Variants in MAN2A1 observed in about 807,000 individuals in gnomAD.
MAN2A1 encodes mannosidase alpha class 2A member 1.
In MAN2A1, 76 loss-of-function variants were observed where a neutral mutation model predicts 142.6. The ratio of observed to expected loss-of-function variants is 0.53; its 90% CI spans 0.44 to 0.65. MAN2A1 has a LOEUF of 0.65. MAN2A1 is among the 30% of genes least tolerant of loss of function. The pLI is 0.00. For missense variants in MAN2A1, 1,311 were observed against 1,365.1 expected (o/e 0.96, Z 0.62); for synonymous variants, 559 against 473.2 (o/e 1.18, Z -2.35).
At position 109,746,539 on chromosome 5, in the gene MAN2A1, A is replaced by G. The variant is rs192359649; in HGVS notation, c.708-8790A>G. Among the ~76,000 whole-genome samples, 380 of 149,348 alleles carry G rather than the reference A, an allele frequency of 2.5e-3. 1 individual carries two copies. Among genetic ancestry groups the G allele is most frequent in the Non-Finnish European group, 3.4e-3 (230 of 67,620 alleles). On this transcript the variant is annotated intron_variant, in intron 4 of 21. Transcript: ENST00000261483. ...ACATAAAGGCATAGGCATATATATT[A>G]TACAATGATAGCATGCCATGCACAT...
At chr5:109,776,016 A>G (rs1242007333) in intron 8 of MAN2A1, among the ~76,000 whole-genome samples, 4 of 151,660 alleles carry the variant, frequency 2.6e-5, no homozygotes, top group South Asian at 2.1e-4. Flanking sequence ...TAGGATATCT[A>G]CCACTTCAAA....
At position 109,817,431 on chromosome 5, in the gene MAN2A1, C is replaced by T. The variant is rs1561526858; in HGVS notation, c.2102C>T (p.Ala701Val). ...ACAGCAAATACTATTTCAGAAACAG[C>T]CTATGAGGTATGTTGTAGCCATAGA... ...WDTANTISET[A>V]YEISFRAHIP... Residue 701 changes from alanine to valine, a missense_variant, in exon 13 of 22, where the codon GCC becomes GTC. By Grantham distance (64) the Ala-to-Val change is moderately conservative. Around this residue, in one of 3 missense-constraint regions of MAN2A1, gnomAD observed 890 missense variants for 920.5 expected, o/e 0.97. Coordinates refer to ENST00000261483, the MANE Select transcript of MAN2A1 (RefSeq NM_002372.4). 2 of 1,613,710 alleles carry T rather than the reference C, an allele frequency of 1.2e-6. No homozygotes were observed. The highest frequency in any genetic ancestry group is 1.7e-6 in the Non-Finnish European group (2 of 1,179,806).
intron 20 of MAN2A1, among the ~76,000 whole-genome samples, chr5:109,856,466 T>C (rs995091144): frequency 6.6e-6 from 1 of 152,172 alleles, no homozygotes; most frequent in Admixed American, 6.5e-5. Flanking sequence ...TGAAGTCTGC[T>C]CCTAGATGCT....
In MAN2A1 at chr5:109,690,433, C is replaced by T. The variant is rs749943726; in HGVS notation, c.16C>T (p.Gln6Ter). ...ATCGAGGAAAATGAAGTTAAGCCGC[C>T]AGTTCACCGTGTTCGGCAGTGCGAT... MKLSR[Q>*]FTVFGSAIFC... Residue 6 changes from glutamine to a stop codon, truncating the protein, a stop_gained, in exon 1 of 22, where the codon CAG (glutamine) becomes TAG (stop). Coordinates refer to ENST00000261483, the MANE Select transcript of MAN2A1 (RefSeq NM_002372.4). LOFTEE classifies it high-confidence loss of function. 1 of 1,614,078 alleles carries T rather than the reference C, an allele frequency of 6.2e-7. No homozygotes were observed.
At chr5:109,738,401 T>A (rs962152585) in intron 4 of MAN2A1, among the ~76,000 whole-genome samples, 4 of 152,160 alleles carry the variant, frequency 2.6e-5, no homozygotes, top group African/African-American at 4.8e-5. Flanking sequence ...GTATGTATCA[T>A]CATTGATACC....
At chr5:109,804,086 A>T in intron 12 of MAN2A1, 1 of 771,252 alleles carries the variant, frequency 1.3e-6, no homozygotes, top group East Asian at 1.3e-4. Context: ...AACATAGACT[A>T]AAGTGATGTG....
At chr5:109,860,233 CA>C (rs1755721703) in intron 20 of MAN2A1, among the ~76,000 whole-genome samples, 1 of 152,130 alleles carries the variant, frequency 6.6e-6, no homozygotes, top group Admixed American at 6.6e-5. Flanking sequence ...TATCTCAGAA[CA>C]GCCATTTACC....
Position 109,826,935 on chromosome 5 carries a change from C to T in MAN2A1, c.2566+3098C>T, listed in dbSNP as rs571607921. ...CTTTTCATTTTAGATGCAAAGGAAA[C>T]GTCAGCCAACTTCCATGCTGTTGTA... On this transcript the variant is annotated intron_variant, in intron 16 of 21. Coordinates refer to ENST00000261483, the MANE Select transcript of MAN2A1 (RefSeq NM_002372.4). Among the ~76,000 whole-genome samples, 6 of 152,194 alleles carry T rather than the reference C, an allele frequency of 3.9e-5. No homozygotes were observed. In the South Asian group the frequency reaches 6.2e-4, roughly 16 times the overall value.
rs533330583 is a variant in MAN2A1, at chr5:109,699,314, C to CT, written c.135+8763dup. 6.2e-4 allele frequency among the ~76,000 whole-genome samples: 95 copies of CT among 152,222 alleles called. 1 individual carries two copies. Among genetic ancestry groups the CT allele is most frequent in the African/African-American group, 2.2e-3 (93 of 41,532 alleles). Reference sequence around the variant, plus strand: ...TCTGTGACTGAATGTGTTATGTACTCTGACTATAGGTTGGTTACAAAAATT... The same window carrying CT: ...TCTGTGACTGAATGTGTTATGTACTCTTGACTATAGGTTGGTTACAAAAATT... On this transcript the variant is annotated intron_variant, in intron 1 of 21. Coordinates refer to ENST00000261483, the MANE Select transcript of MAN2A1 (RefSeq NM_002372.4).
In MAN2A1 at chr5:109,690,392, T is replaced by C; in HGVS notation, c.-26T>C. On this transcript the variant is annotated 5_prime_UTR_variant, in exon 1 of 22. Coordinates refer to ENST00000261483, the MANE Select transcript of MAN2A1 (RefSeq NM_002372.4). ...CTGTCTCCTTTGGCTGAGGAGAGTG[T>C]CCTGGCCCCGAGTCTATCGAGGAAA... 6.2e-7 allele frequency: 1 copy of C among 1,613,872 alleles called. No individual in the cohort carries two copies. Among genetic ancestry groups the C allele is most frequent in the Non-Finnish European group, 8.5e-7 (1 of 1,179,754 alleles).
intron 3 of MAN2A1, among the ~76,000 whole-genome samples, chr5:109,725,794 C>T (rs1474457553): frequency 6.6e-6 from 1 of 152,048 alleles, no homozygotes; most frequent in African/African-American, 2.4e-5. Context: ...TGGCTGAGAG[C>T]TCAAAATTTT....
intron 4 of MAN2A1, among the ~76,000 whole-genome samples, chr5:109,750,588 G>A (rs550697856): frequency 2.6e-5 from 4 of 152,128 alleles, no homozygotes; most frequent in African/African-American, 9.6e-5. Flanking sequence ...TAAAAGCTAT[G>A]TGCTTTCTGG....
At chr5:109,858,489 A>G (rs1755680174) in intron 20 of MAN2A1, among the ~76,000 whole-genome samples, 1 of 152,196 alleles carries the variant, frequency 6.6e-6, no homozygotes, top group Non-Finnish European at 1.5e-5. Context: ...AGCCAGACCT[A>G]AGCATTTTGG....
chr5:109,693,758 C>T (rs1582792127), intron 1 of MAN2A1, among the ~76,000 whole-genome samples: 1 of 152,120 alleles, frequency 6.6e-6, no homozygotes, highest in South Asian at 2.1e-4. Flanking sequence ...TGAAGCACTC[C>T]GAAGCCTTGC....
chr5:109,842,823 T>TTTTTTTTTTTTTTTTTAAAA, intron 17 of MAN2A1, among the ~76,000 whole-genome samples: 1 of 149,126 alleles, frequency 6.7e-6, no homozygotes, highest in East Asian at 2.0e-4. Flanking sequence ...TTTTTTTTTT[T>TTTTTTTTTTTTTTTTTAAAA]GAGAAAGAGT....
intron 4 of MAN2A1, among the ~76,000 whole-genome samples, chr5:109,743,944 C>G (rs2112610094): frequency 6.6e-6 from 1 of 152,326 alleles, no homozygotes; most frequent in South Asian, 2.1e-4. Flanking sequence ...GCTTCACACT[C>G]TACTCAGGCA....
rs548233588 is a variant in MAN2A1 at position 109,807,787 on chromosome 5, CATT to C, written c.1944-9483_1944-9481del. ...AATTAGGACATGGACATCTTGGGGTCATTATGCTCCCTATCATACCTGGAAATC... is the reference window on the plus strand; with the variant it reads ...AATTAGGACATGGACATCTTGGGGTCATGCTCCCTATCATACCTGGAAATC... On this transcript the variant is annotated intron_variant, in intron 12 of 21. Coordinates refer to ENST00000261483, the MANE Select transcript of MAN2A1 (RefSeq NM_002372.4). Among the ~76,000 whole-genome samples the C allele has an allele frequency of 1.1e-4, 17 of 152,230 alleles. 1 individual carries two copies. The South Asian group carries it at 3.5e-3, about 32-fold the overall frequency.
intron 1 of MAN2A1, among the ~76,000 whole-genome samples, chr5:109,693,678 CG>C (rs1750735467): frequency 6.6e-6 from 1 of 151,908 alleles, no homozygotes; most frequent in Non-Finnish European, 1.5e-5. Flanking sequence ...GTGGGCTGGC[CG>C]AGGGTGCTCC....
Position 109,690,115 on chromosome 5 carries a change from C to T in MAN2A1, c.-303C>T, listed in dbSNP as rs116535370. On this transcript the variant is annotated 5_prime_UTR_variant, in exon 1 of 22. Coordinates refer to ENST00000261483, the MANE Select transcript of MAN2A1 (RefSeq NM_002372.4). ...CCTCCGCCTGCCCCGCGCGCCCTGC[C>T]GGAGGTCGGCGCTGAGCTTGCGATC... is the stretch of plus-strand genomic sequence containing the variant. The T allele has an allele frequency of 1.1e-4, 33 of 314,088 alleles. No homozygotes were observed. The East Asian group carries it at 2.2e-3, about 21-fold the overall frequency. 19.5% of individuals were successfully genotyped at this position (314,088 alleles called of 1,614,324 possible). A position where few individuals can be genotyped will look rare whatever the true frequency, so the allele number is the denominator to read the frequency against.
Sources: gnomAD v4.1 joint callset for allele counts (sites outside exome capture counted in the v4.1 genomes callset) on GRCh38, gnomAD v4.1.1 for gene constraint, gnomAD v4.1.1 regional missense constraint, MANE v1.5 for transcripts, NCBI Gene and HGNC (gene_info 2026-07-23, HGNC 2026-07-21) for gene names.